DGKB: variants seen among roughly 807,000 people sequenced by gnomAD.
DGKB encodes diacylglycerol kinase beta.
Under a neutral mutation model 114.3 loss-of-function variants are expected in DGKB, and 67 were observed. The ratio of observed to expected loss-of-function variants is 0.59; its 90% CI spans 0.48 to 0.72. The LOEUF (loss-of-function observed/expected upper bound fraction) is 0.72, where lower values mean the gene tolerates loss of function less well. DGKB is among the 30% of genes least tolerant of loss of function. The pLI, the probability that DGKB is intolerant of heterozygous loss-of-function variation, is 0.00. For synonymous variants in DGKB, 398 were observed against 323.1 expected, an observed-to-expected ratio of 1.23 and a Z score of -2.49; for missense variants, 907 against 975.2, an observed-to-expected ratio of 0.93 and a Z score of 0.93.
chr7:14,547,742 C>T (rs1794512672), intron 20 of DGKB, among the ~76,000 whole-genome samples: 1 of 152,056 alleles, frequency 6.6e-6, no homozygotes, highest in African/African-American at 2.4e-5. Flanking sequence ...ATTAAAAACA[C>T]ATGACAGCTA....
chr7:14,974,668 A>G (rs1002255004), intron 1 of DGKB: 2 of 152,138 alleles, frequency 1.3e-5, no homozygotes, highest in Non-Finnish European at 2.9e-5. Flanking sequence ...AAGTTAAAGC[A>G]TACATTTTTC....
intron 13 of DGKB, among the ~76,000 whole-genome samples, chr7:14,632,791 G>C (rs904594109): frequency 6.6e-6 from 1 of 151,742 alleles, no homozygotes; most frequent in Non-Finnish European, 1.5e-5. Context: ...CAGAGAAAGA[G>C]GGGGAACTGT....
intron 5 of DGKB, among the ~76,000 whole-genome samples, chr7:14,726,621 G>A (rs528722643): frequency 1.3e-5 from 2 of 152,194 alleles, no homozygotes; most frequent in Non-Finnish European, 2.9e-5. Context: ...CATAGCCAGA[G>A]CTAAGAACTC....
At chr7:14,787,954 T>C (rs1440707146) in intron 2 of DGKB, among the ~76,000 whole-genome samples, 2 of 152,138 alleles carry the variant, frequency 1.3e-5, no homozygotes, top group Non-Finnish European at 2.9e-5. Context: ...AGGTCAGCAT[T>C]TGACTGCCTT....
intron 2 of DGKB, among the ~76,000 whole-genome samples, chr7:14,785,243 A>T (rs1256157534): frequency 1.3e-5 from 2 of 152,212 alleles, no homozygotes; most frequent in Non-Finnish European, 2.9e-5. Flanking sequence ...AATAACAAAT[A>T]GGCATTTTAA....
At chr7:14,237,109 T>C (rs762113937) in intron 23 of DGKB, among the ~76,000 whole-genome samples, 3 of 152,022 alleles carry the variant, frequency 2.0e-5, no homozygotes, top group African/African-American at 4.8e-5. Context: ...TAAAGTTCCA[T>C]AGTCCAGCGT....
chr7:14,471,882 A>G (rs562241876), intron 21 of DGKB, among the ~76,000 whole-genome samples: 19 of 152,270 alleles, frequency 1.2e-4, no homozygotes, highest in African/African-American at 4.3e-4. Context: ...TGTAGTTACT[A>G]AAGCCCAAGA....
chr7:14,958,760 A>G (rs1786668496), intron 1 of DGKB, among the ~76,000 whole-genome samples: 1 of 151,970 alleles, frequency 6.6e-6, no homozygotes, highest in Admixed American at 6.6e-5. Flanking sequence ...AAGTTTCCTG[A>G]CACCTGCTGG....
intron 23 of DGKB, among the ~76,000 whole-genome samples, chr7:14,253,709 T>C (rs1795569587): frequency 6.6e-6 from 1 of 152,200 alleles, no homozygotes; most frequent in Non-Finnish European, 1.5e-5. Flanking sequence ...AAAACTAAAA[T>C]GACCTCTTTA....
At chr7:14,917,382 G>T (rs975168197) in intron 1 of DGKB, among the ~76,000 whole-genome samples, 1 of 151,836 alleles carries the variant, frequency 6.6e-6, no homozygotes, top group Non-Finnish European at 1.5e-5. Flanking sequence ...TTCTAGCCAG[G>T]CCACTAACAA....
At chr7:14,831,686 TCTC>T (rs1846435336) in intron 2 of DGKB, among the ~76,000 whole-genome samples, 1 of 152,054 alleles carries the variant, frequency 6.6e-6, no homozygotes, top group Non-Finnish European at 1.5e-5. Context: ...TCTCATGTCT[TCTC>T]CTAGCATCCG....
At chr7:14,862,918 AT>A (rs533761229) in intron 1 of DGKB, among the ~76,000 whole-genome samples, 9 of 151,724 alleles carry the variant, frequency 5.9e-5, no homozygotes, top group East Asian at 5.8e-4. Flanking sequence ...CTAACCTTTG[AT>A]TTTTTTTCTC....
chr7:14,656,753 T>TACACAC (rs56208974), intron 13 of DGKB, among the ~76,000 whole-genome samples: 24,686 of 149,156 alleles, frequency 0.17, 2,955 homozygotes, highest in East Asian at 0.66. Flanking sequence ...ATAGGATATA[T>TACACAC]ACACACACAC....
At chr7:14,680,747 A>T (rs1820683059) in intron 12 of DGKB, among the ~76,000 whole-genome samples, 1 of 151,966 alleles carries the variant, frequency 6.6e-6, no homozygotes, top group Admixed American at 6.6e-5. Context: ...ATGGAGATTA[A>T]ATAGAGAAAG....
intron 15 of DGKB, among the ~76,000 whole-genome samples, chr7:14,619,217 T>C (rs1430285262): frequency 6.6e-6 from 1 of 151,482 alleles, no homozygotes; most frequent in African/African-American, 2.4e-5. Flanking sequence ...CTGATTTCTA[T>C]ACTTGTCCCA....
chr7:14,492,717 C>A (rs1043159514), intron 20 of DGKB, among the ~76,000 whole-genome samples: 1 of 151,960 alleles, frequency 6.6e-6, no homozygotes, highest in Non-Finnish European at 1.5e-5. Context: ...ACAAACACCT[C>A]TAAAAATAAA....
intron 12 of DGKB, among the ~76,000 whole-genome samples, chr7:14,678,322 G>A (rs1178201093): frequency 6.6e-6 from 1 of 152,016 alleles, no homozygotes; most frequent in East Asian, 1.9e-4. Context: ...TTTGGATGTG[G>A]AATGTAAGTA....
chr7:14,825,309 C>T (rs529618822), intron 2 of DGKB, among the ~76,000 whole-genome samples: 61 of 151,832 alleles, frequency 4.0e-4, no homozygotes, highest in African/African-American at 1.4e-3. Flanking sequence ...AAGTGCATTA[C>T]GTTTATTGTG....
chr7:14,826,231 C>A (rs1211351740), intron 2 of DGKB, among the ~76,000 whole-genome samples: 1 of 152,108 alleles, frequency 6.6e-6, no homozygotes, highest in Non-Finnish European at 1.5e-5. Flanking sequence ...TTCGTGGAAG[C>A]TTCTGCCTAT....
Sources: gnomAD v4.1 joint callset for allele counts (sites outside exome capture counted in the v4.1 genomes callset) on GRCh38, gnomAD v4.1.1 for gene constraint, MANE v1.5 for transcripts, NCBI Gene and HGNC (gene_info 2026-07-23, HGNC 2026-07-21) for gene names.